TPD52L1: variants seen among roughly 807,000 people sequenced by gnomAD.
The protein encoded by TPD52L1 is tumor protein D53.
A neutral mutation model predicts 28.7 loss-of-function variants in TPD52L1; 18 were observed. The observed-to-expected ratio is 0.63, with a 90% CI of 0.43 to 0.93. The LOEUF (loss-of-function observed/expected upper bound fraction) is 0.93. Ranked by LOEUF, TPD52L1 falls within the 40% of genes least tolerant of loss-of-function variation. The probability of loss-of-function intolerance (pLI) is 0.00; values close to 1 mark genes in which losing one functional copy is unlikely to be tolerated. For missense variants in TPD52L1, 203 were observed against 254.8 expected (o/e 0.80, Z 1.39); for synonymous variants, 75 against 88.8 (o/e 0.84, Z 0.88).
chr6:125,164,703 T>G (rs139891688), intron 1 of TPD52L1, among the ~76,000 whole-genome samples: 118 of 152,220 alleles, frequency 7.8e-4, no homozygotes, highest in African/African-American at 2.8e-3. Context: ...CCAACCATAC[T>G]AGCAGAATAA....
intron 1 of TPD52L1, among the ~76,000 whole-genome samples, chr6:125,180,465 T>C (rs985115448): frequency 6.6e-6 from 1 of 152,060 alleles, no homozygotes; most frequent in Non-Finnish European, 1.5e-5. Context: ...ACCCTAACTT[T>C]GAAGGTCCTG....
chr6:125,161,192 T>G (rs946898995), intron 1 of TPD52L1, among the ~76,000 whole-genome samples: 3 of 152,196 alleles, frequency 2.0e-5, no homozygotes, highest in African/African-American at 7.2e-5. Context: ...AACAAATCTC[T>G]GCTAGCTTCC....
intron 1 of TPD52L1, among the ~76,000 whole-genome samples, chr6:125,216,202 T>C (rs1794862013): frequency 6.6e-6 from 1 of 152,116 alleles, no homozygotes; most frequent in African/African-American, 2.4e-5. Flanking sequence ...CTTGAGTCTG[T>C]AGTCTCATAG....
At chr6:125,245,173 C>T (rs142466131) in intron 3 of TPD52L1, among the ~76,000 whole-genome samples, 23 of 152,220 alleles carry the variant, frequency 1.5e-4, no homozygotes, top group Non-Finnish European at 2.8e-4. Context: ...TTTAACGTGC[C>T]GGCTTTCTCA....
intron 3 of TPD52L1, among the ~76,000 whole-genome samples, chr6:125,242,376 C>CT (rs1342973092): frequency 2.0e-5 from 3 of 151,958 alleles, no homozygotes; most frequent in African/African-American, 7.2e-5. Context: ...ATGTCTAGTG[C>CT]TGTCATTGTA....
rs189407008 is a variant in TPD52L1, at chr6:125,201,836, A to G, written c.20-18242A>G. Among the ~76,000 whole-genome samples, 402 of 152,340 alleles carry G rather than the reference A, an allele frequency of 2.6e-3. 2 individuals carry two copies. The highest frequency in any genetic ancestry group is 9.4e-3 in the African/African-American group (389 of 41,582). Reference sequence around the variant, plus strand: ...GCTCAACATGTCACGACTCAGAAACACATATTTCCATCTCCTTTAGCATTT... The same window carrying G: ...GCTCAACATGTCACGACTCAGAAACGCATATTTCCATCTCCTTTAGCATTT... On this transcript the variant is annotated intron_variant, in intron 1 of 6. Coordinates refer to ENST00000534000, the MANE Select transcript of TPD52L1 (RefSeq NM_003287.4).
At position 125,257,995 on chromosome 6, in the gene TPD52L1, A is replaced by T. The variant is rs117759358; in HGVS notation, c.486+837A>T. 5.4e-4 allele frequency among the ~76,000 whole-genome samples: 83 copies of T among 152,312 alleles called. No individual in the cohort carries two copies. The East Asian group carries it at 9.4e-3, about 17-fold the overall frequency. On this transcript the variant is annotated intron_variant, in intron 6 of 6. Transcript: ENST00000534000. ...AAGAATATACGTGATCTTTAACCAG[A>T]TCAAAAACCTTCATATCCCATGCTG...
intron 1 of TPD52L1, among the ~76,000 whole-genome samples, chr6:125,202,997 C>T (rs1388348142): frequency 6.6e-6 from 1 of 152,016 alleles, no homozygotes; most frequent in African/African-American, 2.4e-5. Flanking sequence ...AACTCCTGAC[C>T]TCAGGTGATC....
At chr6:125,248,259 AT>A (rs1562376461) in intron 3 of TPD52L1, 22 bp from the exon 4 acceptor site, 1 of 1,584,002 alleles carries the variant, frequency 6.3e-7, no homozygotes, top group South Asian at 1.1e-5. Flanking sequence ...TATAAAAACC[AT>A]GTTGTTCTGT....
intron 3 of TPD52L1, among the ~76,000 whole-genome samples, chr6:125,245,789 C>T (rs1199621431): frequency 6.6e-6 from 1 of 152,210 alleles, no homozygotes; most frequent in Non-Finnish European, 1.5e-5. Context: ...GAGTTTCCAT[C>T]CAGGCAGCCT....
At chr6:125,252,092 C>T (rs2115046307) in intron 4 of TPD52L1, 1 of 1,528,116 alleles carries the variant, frequency 6.5e-7, no homozygotes, top group East Asian at 2.4e-5. Context: ...TGCCCCTTTG[C>T]TTTCCAGGGC....
At chr6:125,215,494 A>T (rs1794802223) in intron 1 of TPD52L1, among the ~76,000 whole-genome samples, 1 of 152,208 alleles carries the variant, frequency 6.6e-6, no homozygotes, top group African/African-American at 2.4e-5. Context: ...ATATGTGCCT[A>T]GGTAGAGAAA....
At chr6:125,233,323 C>A (rs1796063567) in intron 3 of TPD52L1, among the ~76,000 whole-genome samples, 1 of 152,172 alleles carries the variant, frequency 6.6e-6, no homozygotes, top group African/African-American at 2.4e-5. Context: ...GATTTATTTA[C>A]TCTTTGATTT....
intron 3 of TPD52L1, among the ~76,000 whole-genome samples, chr6:125,242,306 A>G (rs985451255): frequency 6.6e-6 from 1 of 152,118 alleles, no homozygotes; most frequent in Non-Finnish European, 1.5e-5. Context: ...TGTTAAGTCC[A>G]TTAGTTCTAG....
Position 125,263,221 on chromosome 6 carries a change from G to T in TPD52L1, c.*259G>T. On this transcript the variant is annotated 3_prime_UTR_variant, in exon 7 of 7. Transcript: ENST00000534000. ...TCCCACTTGAGCAGGTACACAACTG[G>T]TCATAATTCCTGTCTGTGTAATTCG... The T allele has an allele frequency of 2.2e-6, 1 of 446,230 alleles. No homozygotes were observed. Among genetic ancestry groups the T allele is most frequent in the East Asian group, 3.9e-5 (1 of 25,682 alleles). 27.6% of individuals were successfully genotyped at this position (446,230 alleles called of 1,614,324 possible).
At chr6:125,227,032 A>T (rs570992967) in intron 2 of TPD52L1, among the ~76,000 whole-genome samples, 6 of 152,314 alleles carry the variant, frequency 3.9e-5, no homozygotes, top group Admixed American at 1.3e-4. Context: ...ACTCTTGCTC[A>T]TCAAGGAAAG....
intron 1 of TPD52L1, among the ~76,000 whole-genome samples, chr6:125,165,809 C>A (rs937093563): frequency 3.3e-5 from 5 of 152,130 alleles, no homozygotes; most frequent in African/African-American, 1.2e-4. Flanking sequence ...GTAAAAGTCA[C>A]ATGAGATGTA....
intron 2 of TPD52L1, among the ~76,000 whole-genome samples, chr6:125,224,470 C>CCTCTCTCTCTCTCT (rs58505448): frequency 0.019 from 2,737 of 143,274 alleles, 97 homozygotes; most frequent in African/African-American, 0.065. Context: ...AGGCTCTGGG[C>CCTCTCTCTCTCTCT]CTCTCTCTCT....
intron 3 of TPD52L1, among the ~76,000 whole-genome samples, chr6:125,238,389 A>T (rs1241331572): frequency 6.6e-6 from 1 of 152,152 alleles, no homozygotes; most frequent in Admixed American, 6.5e-5. Flanking sequence ...TTTGGGAAAC[A>T]GGTGGCTTTT....
Sources: allele counts gnomAD v4.1 joint callset (sites outside exome capture counted in the v4.1 genomes callset), GRCh38; gene constraint gnomAD v4.1.1; transcripts MANE v1.5; gene names NCBI Gene and HGNC (gene_info 2026-07-23, HGNC 2026-07-21).